Variants in PCDHGA4 observed in about 807,000 individuals in gnomAD.
PCDHGA4 encodes protocadherin gamma-A4.
PCDHGA4 carries 38 observed loss-of-function variants against 54.6 expected under a neutral mutation model. The ratio of observed to expected loss-of-function variants is 0.70; its 90% confidence interval spans 0.54 to 0.91. The LOEUF is 0.91. Among genes scored for constraint, PCDHGA4 ranks in the 40% least tolerant of loss-of-function variants. The pLI is 0.00. For synonymous variants in PCDHGA4, 511 were observed against 512.9 expected, an observed-to-expected ratio of 1.00 and a Z score of 0.05; for missense variants, 1,298 against 1,220.9, an observed-to-expected ratio of 1.06 and a Z score of -0.94.
Position 141,439,440 on chromosome 5 carries a change from A to T in PCDHGA4, c.2515-55367A>T, listed in dbSNP as rs147662506. 1.4e-3 allele frequency among the ~76,000 whole-genome samples: 212 copies of T among 152,330 alleles called. 1 individual carries two copies. The highest frequency in any genetic ancestry group is 4.8e-3 in the African/African-American group (198 of 41,576). On this transcript the variant is annotated intron_variant, in intron 1 of 3. Transcript: ENST00000571252. Reference sequence around the variant, plus strand: ...GGTTATAAATTCCCAGGAATATTTTATTGCGGGAGCAAGACTGCACTGCTG... The same window carrying T: ...GGTTATAAATTCCCAGGAATATTTTTTTGCGGGAGCAAGACTGCACTGCTG...
rs766865642 is a variant in PCDHGA4, at chr5:141,400,084, A to G, written c.2514+42463A>G. 34 of 1,613,852 alleles carry G rather than the reference A, an allele frequency of 2.1e-5. No homozygotes were observed. The highest frequency in any genetic ancestry group is 2.0e-4 in the Admixed American group (12 of 60,006). On this transcript the variant is annotated intron_variant, in intron 1 of 3. Transcript: ENST00000571252. The stretch of plus-strand genomic sequence containing the variant: ...TGGTGGACAGCCGCCACTCTCCGCC[A>G]CCGCCACGCTGCACTTGGTCTTTGC...
chr5:141,398,266 G>C, intron 1 of PCDHGA4: 1 of 1,439,368 alleles, frequency 6.9e-7, no homozygotes, highest in Non-Finnish European at 9.5e-7. Flanking sequence ...GGGCTCCGTA[G>C]TGGGGAACCT....
chr5:141,461,371 G>C (rs755281402), intron 1 of PCDHGA4, among the ~76,000 whole-genome samples: 1 of 152,084 alleles, frequency 6.6e-6, no homozygotes, highest in Non-Finnish European at 1.5e-5. Context: ...GTTTTAATTT[G>C]CATTTTCCTG....
intron 1 of PCDHGA4, among the ~76,000 whole-genome samples, chr5:141,358,000 G>A (rs1178466478): frequency 6.6e-6 from 1 of 152,102 alleles, no homozygotes; most frequent in African/African-American, 2.4e-5. Context: ...GACCAGTCTG[G>A]GCAACATGGT....
At chr5:141,398,500 G>A (rs1366423528) in intron 1 of PCDHGA4, 1 of 1,607,950 alleles carries the variant, frequency 6.2e-7, no homozygotes, top group African/African-American at 1.4e-5. Context: ...GGAGATCGAG[G>A]ACATTAATGA....
intron 1 of PCDHGA4, chr5:141,390,668 A>C: frequency 5.2e-6 from 1 of 191,616 alleles, no homozygotes; most frequent in South Asian, 1.1e-4. Flanking sequence ...ATAAATATAA[A>C]AATAATAAAG....
chr5:141,462,253 A>C (rs7717600), intron 1 of PCDHGA4, among the ~76,000 whole-genome samples: 42,489 of 152,124 alleles, frequency 0.28, 6,669 homozygotes, highest in African/African-American at 0.43. Context: ...AGCCACCATG[A>C]CCAGCCTAAA....
intron 1 of PCDHGA4, chr5:141,413,663 A>T: frequency 6.2e-7 from 1 of 1,613,844 alleles, no homozygotes; most frequent in Non-Finnish European, 8.5e-7. Flanking sequence ...GAAGCTATTG[A>T]TCCGGATGTG....
At chr5:141,393,277 C>T (rs749579658) in intron 1 of PCDHGA4, 4 of 1,613,844 alleles carry the variant, frequency 2.5e-6, no homozygotes, top group Non-Finnish European at 3.4e-6. Flanking sequence ...TATCCACTCC[C>T]AGAAGCTGTT....
rs764729742 is a variant in PCDHGA4 at position 141,450,826 on chromosome 5, A to ATTT, written c.2515-43979_2515-43978insTTT. On this transcript the variant is annotated intron_variant, in intron 1 of 3. Coordinates refer to ENST00000571252, the MANE Select transcript of PCDHGA4 (RefSeq NM_018917.4). ...TATTTATTTATTTAATATTATTATT[A>ATTT]TTATTTTTTTTTTTTTGAGATGGGG... 5.5e-3 allele frequency among the ~76,000 whole-genome samples: 742 copies of ATTT among 134,318 alleles called. 10 individuals are homozygous for ATTT. The highest frequency in any genetic ancestry group is 0.013 in the Middle Eastern group (3 of 230). 88.1% of individuals were successfully genotyped at this position (134,318 alleles called of 152,430 possible).
rs2099681350 is a variant in PCDHGA4, at chr5:141,489,024, C to T, written c.2515-5783C>T. 1 of 450,378 alleles carries T rather than the reference C, an allele frequency of 2.2e-6. No individual in the cohort carries two copies. The highest frequency in any genetic ancestry group is 3.9e-6 in the Non-Finnish European group (1 of 256,582). 27.9% of individuals were successfully genotyped at this position (450,378 alleles called of 1,614,324 possible). On this transcript the variant is annotated intron_variant, in intron 1 of 3. Coordinates refer to ENST00000571252, the MANE Select transcript of PCDHGA4 (RefSeq NM_018917.4). The surrounding 1 kb of genome is among the most constrained non-coding windows in gnomAD (Gnocchi z 4.5). ...CTGCTCTTCCAGCCCGCCTCTCCTC[C>T]TCCAGCTCCCCAGCTCCACTCAAAT... is the stretch of plus-strand genomic sequence containing the variant.
At chr5:141,376,675 C>CGTTTTTT (rs1773024325) in intron 1 of PCDHGA4, 1 of 343,980 alleles carries the variant, frequency 2.9e-6, no homozygotes, top group African/African-American at 3.4e-5. Context: ...GTGAGGGTAT[C>CGTTTTTT]GTTTTTTTTT....
At position 141,415,641 on chromosome 5, in the gene PCDHGA4, TAA is replaced by T. The variant is rs113784532; in HGVS notation, c.2514+58030_2514+58031del. On this transcript the variant is annotated intron_variant, in intron 1 of 3. Transcript: ENST00000571252. ...GTTTTATTTTCATTTTTACTTTTGT[TAA>T]AAAAAAAAAGATTGGTTTTTACTTT... is the stretch of plus-strand genomic sequence containing the variant. 3.1e-5 allele frequency: 40 copies of T among 1,280,748 alleles called. No homozygotes were observed. The African/African-American group carries it at 4.6e-4, about 15-fold the overall frequency. 79.3% of individuals were successfully genotyped at this position (1,280,748 alleles called of 1,614,324 possible).
In PCDHGA4 at chr5:141,481,831, G is replaced by A. The variant is rs35816779; in HGVS notation, c.2515-12976G>A. On this transcript the variant is annotated intron_variant, in intron 1 of 3. Coordinates refer to ENST00000571252, the MANE Select transcript of PCDHGA4 (RefSeq NM_018917.4). ...ACCAGGCGTGGTGGCTGAGGCAGGAGAATCGCTTGATGGTGGAGGTTGCAG... is the reference window on the plus strand; with the variant it reads ...ACCAGGCGTGGTGGCTGAGGCAGGAAAATCGCTTGATGGTGGAGGTTGCAG... Among the ~76,000 whole-genome samples the A allele has an allele frequency of 1.9e-3, 280 of 149,560 alleles. 1 individual carries two copies. The highest frequency in any genetic ancestry group is 0.01 in the Middle Eastern group (3 of 290).
At chr5:141,453,206 T>G (rs914064627) in intron 1 of PCDHGA4, among the ~76,000 whole-genome samples, 8 of 152,102 alleles carry the variant, frequency 5.3e-5, no homozygotes, top group African/African-American at 1.9e-4. Context: ...CTCAACCTCG[T>G]GCACTTAAGC....
At chr5:141,399,796 C>T (rs62621781) in intron 1 of PCDHGA4, 21,149 of 1,613,212 alleles carry the variant, frequency 0.013, 194 homozygotes, top group Non-Finnish European at 0.015. Context: ...CAACGCACCG[C>T]GGGTGCTGTA....
intron 1 of PCDHGA4, chr5:141,360,424 G>C (rs1561520496): frequency 1.2e-6 from 2 of 1,613,958 alleles, no homozygotes; most frequent in East Asian, 2.2e-5. Context: ...ACAGATATGC[G>C]GGAAGCAGCC....
intron 2 of PCDHGA4, among the ~76,000 whole-genome samples, chr5:141,500,453 C>T (rs1403599390): frequency 6.6e-6 from 1 of 152,130 alleles, no homozygotes; most frequent in South Asian, 2.1e-4. Context: ...TCGTGATCCG[C>T]CCGCCTCGGC....
At chr5:141,395,517 T>G in intron 1 of PCDHGA4, 2 of 415,414 alleles carry the variant, frequency 4.8e-6, no homozygotes, top group Non-Finnish European at 4.3e-6. Context: ...TAGCTACCCG[T>G]CCATACTGGT....
Sources: gnomAD v4.1 joint callset for allele counts (sites outside exome capture counted in the v4.1 genomes callset) on GRCh38, gnomAD v4.1.1 for gene constraint, Gnocchi (gnomAD v3.1) non-coding constraint, MANE v1.5 for transcripts, NCBI Gene and HGNC (gene_info 2026-07-23, HGNC 2026-07-21) for gene names.